The following NFX1 variants were observed in gnomAD, a reference collection of about 807,000 sequenced individuals.
The protein encoded by NFX1 is nuclear transcription factor, X-box binding 1, also known as transcriptional repressor NF-X1.
In NFX1, 69 loss-of-function variants were observed where a neutral mutation model predicts 137.2. The ratio of observed to expected loss-of-function variants is 0.50; its 90% confidence interval spans 0.41 to 0.61. The LOEUF (loss-of-function observed/expected upper bound fraction) is 0.61. Ranked by LOEUF, NFX1 falls within the 20% of genes least tolerant of loss-of-function variation. The probability of loss-of-function intolerance (pLI) is 0.00; values close to 1 mark genes in which losing one functional copy is unlikely to be tolerated. For missense variants in NFX1, 1,167 were observed against 1,391.0 expected (o/e 0.84, Z 2.56); for synonymous variants, 495 against 474.1 (o/e 1.04, Z -0.57).
intron 9 of NFX1, among the ~76,000 whole-genome samples, chr9:33,321,492 A>G (rs545774838): frequency 1.3e-3 from 170 of 132,034 alleles, no homozygotes; most frequent in African/African-American, 4.2e-3. Flanking sequence ...AAGAGACTGG[A>G]TAGAGTTCTA....
rs371154935 is a variant in NFX1, at chr9:33,319,670, C to T, written c.1906+543C>T. Among the ~76,000 whole-genome samples the T allele has an allele frequency of 1.5e-3, 233 of 152,232 alleles. 1 individual carries two copies. The highest frequency in any genetic ancestry group is 5.3e-3 in the African/African-American group (219 of 41,534). Reference sequence around the variant, plus strand: ...GACTACAGGCGCACACCACCACGCCCGGCTAATTTTTGTATTTTTAATAGA... The same window carrying T: ...GACTACAGGCGCACACCACCACGCCTGGCTAATTTTTGTATTTTTAATAGA... On this transcript the variant is annotated intron_variant, in intron 9 of 23. Coordinates refer to ENST00000379540, the MANE Select transcript of NFX1 (RefSeq NM_002504.6).
intron 10 of NFX1, among the ~76,000 whole-genome samples, chr9:33,331,766 C>G (rs1822815595): frequency 6.7e-6 from 1 of 149,866 alleles, no homozygotes; most frequent in African/African-American, 2.5e-5. Flanking sequence ...TTTCTGAGTA[C>G]ATGGCAACCT....
At chr9:33,297,121 C>G (rs540802844) in intron 2 of NFX1, among the ~76,000 whole-genome samples, 1 of 152,174 alleles carries the variant, frequency 6.6e-6, no homozygotes, top group African/African-American at 2.4e-5. Context: ...ACAGCTCCCC[C>G]TCTCCTTACT....
rs1417588899 is a variant in NFX1 at position 33,303,176 on chromosome 9, C to T, written c.1193-15C>T. On this transcript the variant is annotated splice_polypyrimidine_tract_variant and intron_variant, in intron 3 of 23. Transcript: ENST00000379540. ...GAAGAAAATTTATTTGGCCTACTCCCATTTTTCCTGACAGATGGCCAGAGT... is the reference window on the plus strand; with the variant it reads ...GAAGAAAATTTATTTGGCCTACTCCTATTTTTCCTGACAGATGGCCAGAGT... 6.2e-7 allele frequency: 1 copy of T among 1,612,596 alleles called. No individual in the cohort carries two copies.
intron 1 of NFX1, among the ~76,000 whole-genome samples, chr9:33,291,696 G>A: frequency 6.6e-6 from 1 of 152,230 alleles, no homozygotes; most frequent in Non-Finnish European, 1.5e-5. Context: ...GAGGTCAGGA[G>A]ATCGAGACCA....
At chr9:33,364,921 C>T in intron 21 of NFX1, 147 bp downstream of exon 21, 1 of 1,466,566 alleles carries the variant, frequency 6.8e-7, no homozygotes, top group Non-Finnish European at 9.0e-7. Context: ...TTTCTCAAAA[C>T]ACAGCCATTA....
intron 5 of NFX1, 126 bp from the exon 6 acceptor site, chr9:33,310,980 C>T: frequency 1.3e-6 from 1 of 781,686 alleles, no homozygotes; most frequent in South Asian, 1.9e-5. Flanking sequence ...CAACTTTAAA[C>T]AAATACAAAG....
intron 2 of NFX1, among the ~76,000 whole-genome samples, 190 bp from the exon 3 acceptor site, chr9:33,301,073 C>T (rs974343437): frequency 1.3e-5 from 2 of 152,184 alleles, no homozygotes; most frequent in African/African-American, 4.8e-5. Flanking sequence ...AATCCTCTTC[C>T]TCAGCAAATT....
At chr9:33,297,396 T>C (rs1424349336) in intron 2 of NFX1, among the ~76,000 whole-genome samples, 1 of 152,236 alleles carries the variant, frequency 6.6e-6, no homozygotes, top group Non-Finnish European at 1.5e-5. Flanking sequence ...CAAAGCAATG[T>C]TATACCAGAG....
At chr9:33,318,488 A>G (rs1822257723) in intron 7 of NFX1, among the ~76,000 whole-genome samples, 1 of 152,186 alleles carries the variant, frequency 6.6e-6, no homozygotes, top group Admixed American at 6.5e-5. Flanking sequence ...ATGAGATATT[A>G]ATAGTTTAAC....
At chr9:33,326,190 A>G (rs908923131) in intron 9 of NFX1, among the ~76,000 whole-genome samples, 3 of 152,134 alleles carry the variant, frequency 2.0e-5, no homozygotes, top group Admixed American at 2.0e-4. Flanking sequence ...AGGTGGGCAG[A>G]TCACTTGATG....
chr9:33,303,311 A>C, intron 4 of NFX1, 43 bp downstream of exon 4: 1 of 1,528,816 alleles, frequency 6.5e-7, no homozygotes, highest in Non-Finnish European at 9.1e-7. Context: ...TACTACATAC[A>C]TTGTACCTCA....
intron 5 of NFX1, among the ~76,000 whole-genome samples, chr9:33,310,500 G>A (rs1036146917): frequency 1.3e-5 from 2 of 152,016 alleles, no homozygotes; most frequent in Non-Finnish European, 2.9e-5. Flanking sequence ...ATTTTTCAGA[G>A]GGCTAATTCT....
At chr9:33,356,874 C>G (rs1389898670) in intron 19 of NFX1, among the ~76,000 whole-genome samples, 3 of 151,828 alleles carry the variant, frequency 2.0e-5, no homozygotes, top group Non-Finnish European at 4.4e-5. Context: ...ACCTGTAGTC[C>G]CAGCTACTTG....
chr9:33,346,983 G>A, intron 14 of NFX1, 55 bp from the exon 15 acceptor site: 6 of 1,437,990 alleles, frequency 4.2e-6, no homozygotes, highest in Non-Finnish European at 5.8e-6. Context: ...ATGTATAATG[G>A]TTTACATGGC....
At chr9:33,300,055 A>G (rs968438842) in intron 2 of NFX1, among the ~76,000 whole-genome samples, 12 of 130,992 alleles carry the variant, frequency 9.2e-5, no homozygotes, top group African/African-American at 3.4e-4. Flanking sequence ...AATGGTACCT[A>G]TGTTATAGCA....
rs535325338 is a variant in NFX1, at chr9:33,344,304, C to A, written c.2344+116C>A. On this transcript the variant is annotated intron_variant, in intron 14 of 23. Coordinates refer to ENST00000379540, the MANE Select transcript of NFX1 (RefSeq NM_002504.6). ...TGCTGTGATGGCTGCCCCTTGCTCC[C>A]GGCTCAGGGGCTGGTTCTCTGAAGG... is the stretch of plus-strand genomic sequence containing the variant. 1.1e-5 allele frequency: 15 copies of A among 1,416,888 alleles called. No individual in the cohort carries two copies. The African/African-American group carries it at 1.3e-4, about 12-fold the overall frequency. The allele number at this position is 1,416,888 out of a possible 1,614,324, so 87.8% of individuals were successfully genotyped here.
intron 4 of NFX1, among the ~76,000 whole-genome samples, 184 bp downstream of exon 4, chr9:33,303,452 A>G (rs1821645514): frequency 6.7e-6 from 1 of 148,636 alleles, no homozygotes; most frequent in African/African-American, 2.6e-5. Context: ...GCTCCTGGCA[A>G]GCTGTTCTGG....
chr9:33,302,074 A>G (rs1821587630), intron 3 of NFX1, among the ~76,000 whole-genome samples: 1 of 152,090 alleles, frequency 6.6e-6, no homozygotes, highest in Non-Finnish European at 1.5e-5. Context: ...CCTGTCTCAA[A>G]CAAACAAAAA....
Sources: allele counts gnomAD v4.1 joint callset (sites outside exome capture counted in the v4.1 genomes callset), GRCh38; gene constraint gnomAD v4.1.1; transcripts MANE v1.5; gene names NCBI Gene and HGNC (gene_info 2026-07-23, HGNC 2026-07-21).